Variants in DNM3 observed in about 807,000 individuals in gnomAD.
DNM3 encodes dynamin-3.
DNM3 carries 47 observed loss-of-function variants against 101.6 expected under a neutral mutation model. The ratio of observed to expected loss-of-function variants is 0.46; its 90% CI spans 0.37 to 0.59. The LOEUF (loss-of-function observed/expected upper bound fraction) is 0.59, where lower values mean the gene tolerates loss of function less well. DNM3 is among the 20% of genes least tolerant of loss of function. DNM3 has a pLI of 0.00. For synonymous variants in DNM3, 385 were observed against 387.9 expected (o/e 0.99, Z 0.09); for missense variants, 849 against 1,085.7 (o/e 0.78, Z 3.06).
intron 18 of DNM3, chr1:172,380,883 A>C (rs897377164): frequency 2.0e-5 from 3 of 151,322 alleles, no homozygotes; most frequent in African/African-American, 7.3e-5. Flanking sequence ...ATCAGTTCAA[A>C]CGCTGCTTTG....
intron 14 of DNM3, among the ~76,000 whole-genome samples, chr1:172,249,247 C>T (rs114564907): frequency 1.6e-3 from 243 of 152,278 alleles, no homozygotes; most frequent in African/African-American, 5.6e-3. Flanking sequence ...ATACCTATCT[C>T]TCATTGACTC....
intron 17 of DNM3, among the ~76,000 whole-genome samples, chr1:172,366,358 A>G (rs1192488691): frequency 6.6e-6 from 1 of 151,980 alleles, no homozygotes; most frequent in Admixed American, 6.6e-5. Flanking sequence ...TAAATTTAGT[A>G]TTAGCCCTCC....
At chr1:172,232,968 A>C (rs1248396574) in intron 14 of DNM3, among the ~76,000 whole-genome samples, 1 of 152,180 alleles carries the variant, frequency 6.6e-6, no homozygotes, top group Non-Finnish European at 1.5e-5. Context: ...CTAACATCAC[A>C]ATTAAAAGAA....
At chr1:172,306,084 G>A (rs1365999914) in intron 15 of DNM3, among the ~76,000 whole-genome samples, 1 of 152,216 alleles carries the variant, frequency 6.6e-6, no homozygotes, top group African/African-American at 2.4e-5. Flanking sequence ...AAAAGAGGAA[G>A]TCAAGTTGTC....
chr1:171,941,038 G>A (rs199668875), intron 2 of DNM3, among the ~76,000 whole-genome samples: 2 of 151,948 alleles, frequency 1.3e-5, no homozygotes, highest in East Asian at 3.9e-4. Flanking sequence ...TTGTATCTGT[G>A]CTATTGAGAT....
At chr1:172,069,013 A>T (rs2051937427) in intron 11 of DNM3, 108 bp downstream of exon 11, 1 of 820,914 alleles carries the variant, frequency 1.2e-6, no homozygotes, top group Non-Finnish European at 2.0e-6. Flanking sequence ...AAGGAAAAAA[A>T]AATAGTGGAA....
chr1:172,178,456 A>G (rs1267436576), intron 14 of DNM3, among the ~76,000 whole-genome samples: 1 of 151,954 alleles, frequency 6.6e-6, no homozygotes, highest in Non-Finnish European at 1.5e-5. Context: ...TAAATTTTTT[A>G]CATATATGAA....
chr1:172,045,040 G>A (rs2049677980), intron 9 of DNM3, among the ~76,000 whole-genome samples: 1 of 152,110 alleles, frequency 6.6e-6, no homozygotes, highest in African/African-American at 2.4e-5. Context: ...CCGGTGGAAG[G>A]GGTGGGATGA....
chr1:172,212,535 G>A (rs575514030), intron 14 of DNM3, among the ~76,000 whole-genome samples: 11 of 152,102 alleles, frequency 7.2e-5, no homozygotes, highest in Non-Finnish European at 1.6e-4. Context: ...TCATTCACAA[G>A]CATTACATTT....
intron 14 of DNM3, 99 bp from the exon 15 acceptor site, chr1:172,253,474 A>T: frequency 1.2e-6 from 1 of 855,726 alleles, no homozygotes; most frequent in Non-Finnish European, 1.8e-6. Flanking sequence ...ATCTTTTATT[A>T]AAGTCAATTT....
chr1:172,264,683 T>G (rs1573203407), intron 15 of DNM3, among the ~76,000 whole-genome samples: 1 of 152,348 alleles, frequency 6.6e-6, no homozygotes, highest in Non-Finnish European at 1.5e-5. Context: ...AGTTTCTGTT[T>G]GAACACCAAT....
intron 15 of DNM3, among the ~76,000 whole-genome samples, chr1:172,273,499 G>C (rs1241402704): frequency 6.6e-6 from 1 of 151,870 alleles, no homozygotes; most frequent in African/African-American, 2.4e-5. Flanking sequence ...TAGGCCCAAG[G>C]GAAACTTTAG....
intron 1 of DNM3, among the ~76,000 whole-genome samples, chr1:171,907,472 C>T (rs1313000716): frequency 6.7e-6 from 1 of 149,836 alleles, no homozygotes; most frequent in Non-Finnish European, 1.5e-5. Context: ...GCCTGGGCAG[C>T]AAGAGTGAGA....
chr1:172,344,359 T>A (rs902129688), intron 17 of DNM3, among the ~76,000 whole-genome samples: 2 of 152,222 alleles, frequency 1.3e-5, no homozygotes, highest in African/African-American at 4.8e-5. Flanking sequence ...TTGTCTTCTA[T>A]TCTCGTCTTC....
Position 172,387,229 on chromosome 1 carries a change from C to T in DNM3, c.2155C>T (p.Arg719Trp), listed in dbSNP as rs765996640. Residue 719 changes from arginine (R) to tryptophan (W), a missense_variant, in exon 19 of 21, where the codon CGG (arginine) becomes TGG (tryptophan). Arg to Trp is a moderately radical substitution (Grantham distance 101). Transcript: ENST00000627582. Reference protein sequence around the residue: ...MEESAEQAQRRDEMLRMYQAL... With the variant: ...MEESAEQAQRWDEMLRMYQAL... ...GGAATCTGCTGAGCAGGCTCAGCGC[C>T]GGGATGAGATGCTTCGAATGTATCA... is the stretch of plus-strand genomic sequence containing the variant. The T allele has an allele frequency of 4.3e-6, 7 of 1,613,940 alleles. No homozygotes were observed. The highest frequency in any genetic ancestry group is 1.1e-5 in the South Asian group (1 of 91,074).
intron 17 of DNM3, among the ~76,000 whole-genome samples, chr1:172,364,108 T>G (rs2001129): frequency 0.47 from 71,101 of 151,856 alleles, 19,848 homozygotes; most frequent in East Asian, 0.87. Flanking sequence ...CAGGGTAAAC[T>G]TCTTAGGTGC....
rs1004594561 is a variant in DNM3 at position 172,209,065 on chromosome 1, A to G, written c.1660-44508A>G. 2.0e-5 allele frequency among the ~76,000 whole-genome samples: 3 copies of G among 152,212 alleles called. No individual in the cohort carries two copies. In the East Asian group the frequency reaches 5.8e-4, roughly 29 times the overall value. On this transcript the variant is annotated intron_variant, in intron 14 of 20. Transcript: ENST00000627582. ...TGGTGAAGCTCTAACCCTCAGTGCC[A>G]GAATGTTACTGTATTTGAAGATAAG...
At chr1:171,952,861 T>A (rs2042617156) in intron 2 of DNM3, among the ~76,000 whole-genome samples, 1 of 152,244 alleles carries the variant, frequency 6.6e-6, no homozygotes, top group South Asian at 2.1e-4. Context: ...AAATAACTAT[T>A]TTCTCTTAGA....
At chr1:172,288,275 A>C (rs1390737229) in intron 15 of DNM3, among the ~76,000 whole-genome samples, 1 of 152,204 alleles carries the variant, frequency 6.6e-6, no homozygotes, top group East Asian at 1.9e-4. Flanking sequence ...ACACTAGAAG[A>C]ATGCATAGAA....
Sources: allele counts gnomAD v4.1 joint callset (sites outside exome capture counted in the v4.1 genomes callset), GRCh38; gene constraint gnomAD v4.1.1; transcripts MANE v1.5; gene names NCBI Gene and HGNC (gene_info 2026-07-23, HGNC 2026-07-21).